The following COL21A1 variants were observed in gnomAD, a reference collection of about 807,000 sequenced individuals.
COL21A1 encodes the protein collagen type XXI alpha 1 chain, also known as collagen alpha-1(XXI) chain.
A neutral mutation model predicts 137.9 loss-of-function variants in COL21A1; 149 were observed. The ratio of observed to expected loss-of-function variants is 1.08; its 90% confidence interval spans 0.95 to 1.24. The LOEUF is 1.24. Ranked by LOEUF, COL21A1 falls within the 50% of genes most tolerant of loss-of-function variation. The pLI, the probability that COL21A1 is intolerant of heterozygous loss-of-function variation, is 0.00. For synonymous variants in COL21A1, 456 were observed against 391.5 expected, an observed-to-expected ratio of 1.16 and a Z score of -1.95; for missense variants, 1,167 against 1,158.4, an observed-to-expected ratio of 1.01 and a Z score of -0.11.
At chr6:56,306,680 C>T (rs1764468268) in intron 1 of COL21A1, among the ~76,000 whole-genome samples, 1 of 152,088 alleles carries the variant, frequency 6.6e-6, no homozygotes, top group South Asian at 2.1e-4. Flanking sequence ...GTTTGAACTT[C>T]CTCCTTTAGC....
At chr6:56,255,964 G>A (rs1324316834) in intron 1 of COL21A1, among the ~76,000 whole-genome samples, 1 of 152,130 alleles carries the variant, frequency 6.6e-6, no homozygotes, top group Admixed American at 6.5e-5. Context: ...CTGGAAGAAA[G>A]GCTCTCACCC....
chr6:56,345,356 AG>A (rs1409013343), intron 1 of COL21A1, among the ~76,000 whole-genome samples: 1 of 140,868 alleles, frequency 7.1e-6, no homozygotes, highest in Non-Finnish European at 1.6e-5. Flanking sequence ...CCATTTGTTG[AG>A]GGTCTATCAT....
chr6:56,065,507 A>G (rs1201612709), intron 23 of COL21A1, among the ~76,000 whole-genome samples: 1 of 152,040 alleles, frequency 6.6e-6, no homozygotes, highest in Non-Finnish European at 1.5e-5. Context: ...TCTACAATGT[A>G]TAATTAAACA....
At chr6:56,100,143 C>T (rs1181346898) in intron 17 of COL21A1, among the ~76,000 whole-genome samples, 1 of 152,226 alleles carries the variant, frequency 6.6e-6, no homozygotes, top group African/African-American at 2.4e-5. Flanking sequence ...TCTGCAGATT[C>T]AGGACCTCAT....
chr6:56,068,923 T>C (rs1766494515), intron 22 of COL21A1, 123 bp downstream of exon 22: 2 of 678,330 alleles, frequency 2.9e-6, no homozygotes, highest in Middle Eastern at 2.8e-4. Context: ...ACATCGAATA[T>C]ATAGGGTACT....
At chr6:56,078,225 A>T (rs887955873) in intron 17 of COL21A1, 1 of 455,720 alleles carries the variant, frequency 2.2e-6, no homozygotes, top group Non-Finnish European at 4.4e-6. Context: ...TGTTAATTCT[A>T]TCAAGTTAAG....
At chr6:56,145,576 CAT>C (rs1190489539) in intron 10 of COL21A1, among the ~76,000 whole-genome samples, 2 of 152,062 alleles carry the variant, frequency 1.3e-5, no homozygotes, top group Admixed American at 1.3e-4. Context: ...TTGGTTGACT[CAT>C]AGCAGGGTCA....
At chr6:56,163,823 A>G (rs1484445822) in intron 9 of COL21A1, among the ~76,000 whole-genome samples, 1 of 152,208 alleles carries the variant, frequency 6.6e-6, no homozygotes, top group African/African-American at 2.4e-5. Flanking sequence ...CCGATCATAT[A>G]AAAATGTATA....
intron 25 of COL21A1, 43 bp downstream of exon 25, chr6:56,061,606 C>A: frequency 2.8e-6 from 4 of 1,445,108 alleles, no homozygotes; most frequent in East Asian, 2.4e-5. Flanking sequence ...CAAAAAGGAC[C>A]GAAGAAAGAG....
intron 2 of COL21A1, among the ~76,000 whole-genome samples, chr6:56,180,530 G>A (rs9475590): frequency 0.013 from 2,045 of 152,246 alleles, 45 homozygotes; most frequent in African/African-American, 0.046. Flanking sequence ...TATGGTTAAA[G>A]GTATAAAGCT....
At chr6:56,166,769 AACTTC>A in intron 7 of COL21A1, 132 bp downstream of exon 7, 1 of 745,880 alleles carries the variant, frequency 1.3e-6, no homozygotes, top group African/African-American at 1.7e-5. Flanking sequence ...TGCTTCATGT[AACTTC>A]ACTTCCACTA....
intron 1 of COL21A1, among the ~76,000 whole-genome samples, chr6:56,346,434 C>A (rs940381734): frequency 6.6e-6 from 1 of 152,186 alleles, no homozygotes; most frequent in Non-Finnish European, 1.5e-5. Flanking sequence ...CTCTTTTTTA[C>A]TACTGAATAT....
chr6:56,358,458 A>G (rs377692945), intron 1 of COL21A1, among the ~76,000 whole-genome samples: 1 of 152,184 alleles, frequency 6.6e-6, no homozygotes. Context: ...CGATGATTGC[A>G]AAGTGTAATT....
At position 56,293,149 on chromosome 6, in the gene COL21A1, T is replaced by C. The variant is rs1280722883; in HGVS notation, c.-39+100822A>G. Among the ~76,000 whole-genome samples, 6 of 152,188 alleles carry C rather than the reference T, an allele frequency of 3.9e-5. No homozygotes were observed. The East Asian group carries it at 9.6e-4, about 24-fold the overall frequency. Reference sequence around the variant, plus strand: ...AGAAGTTTCCGTATATTTGTGCATGTTCAGTTTTTAGTTTTAAACACATTA... The same window carrying C: ...AGAAGTTTCCGTATATTTGTGCATGCTCAGTTTTTAGTTTTAAACACATTA... On this transcript the variant is annotated intron_variant, in intron 1 of 28. Transcript: ENST00000370819.
chr6:56,320,204 C>G (rs538676838), intron 1 of COL21A1, among the ~76,000 whole-genome samples: 1 of 152,274 alleles, frequency 6.6e-6, no homozygotes, highest in South Asian at 2.1e-4. Context: ...TCATACTTGA[C>G]TCCTTTCTTC....
At chr6:56,333,462 A>G (rs1765275417) in intron 1 of COL21A1, among the ~76,000 whole-genome samples, 1 of 152,160 alleles carries the variant, frequency 6.6e-6, no homozygotes, top group Admixed American at 6.6e-5. Context: ...AATGTATATC[A>G]ATAGTTTATT....
At chr6:56,383,268 C>T (rs1030891998) in intron 1 of COL21A1, among the ~76,000 whole-genome samples, 1 of 152,160 alleles carries the variant, frequency 6.6e-6, no homozygotes, top group Non-Finnish European at 1.5e-5. Flanking sequence ...TTTCTGGCCC[C>T]TTCCTATAAG....
intron 1 of COL21A1, among the ~76,000 whole-genome samples, chr6:56,284,341 A>T (rs576982115): frequency 7.2e-5 from 11 of 152,358 alleles, no homozygotes; most frequent in African/African-American, 2.6e-4. Flanking sequence ...GGTGTGAGCC[A>T]CAGCACCTGG....
chr6:56,066,273 C>T (rs112834771), intron 23 of COL21A1, among the ~76,000 whole-genome samples: 3 of 151,872 alleles, frequency 2.0e-5, no homozygotes, highest in African/African-American at 7.2e-5. Context: ...TTTTGTCATA[C>T]CACTCTAAAA....
Sources: gnomAD v4.1 joint callset for allele counts (sites outside exome capture counted in the v4.1 genomes callset) on GRCh38, gnomAD v4.1.1 for gene constraint, MANE v1.5 for transcripts, NCBI Gene and HGNC (gene_info 2026-07-23, HGNC 2026-07-21) for gene names.